The following POLR2J variants were observed in gnomAD, a reference collection of about 807,000 sequenced individuals.
POLR2J encodes DNA-directed RNA polymerase II subunit RPB11-a.
A neutral mutation model predicts 13.4 loss-of-function variants in POLR2J; 12 were observed. The observed-to-expected ratio is 0.90, with a 90% CI of 0.57 to 1.45. POLR2J has a LOEUF of 1.45. POLR2J is among the 40% of genes most tolerant of loss of function. POLR2J has a pLI of 0.00. For missense variants in POLR2J, 58 were observed against 132.0 expected, an observed-to-expected ratio of 0.44 and a Z score of 2.75; for synonymous variants, 31 against 53.6, an observed-to-expected ratio of 0.58 and a Z score of 1.84.
At chr7:102,475,098 G>A (rs1798388169) in intron 2 of POLR2J, among the ~76,000 whole-genome samples, 1 of 152,124 alleles carries the variant, frequency 6.6e-6, no homozygotes, top group Admixed American at 6.5e-5. Context: ...GGGGACCCGT[G>A]CATAGGTGGC....
At position 102,473,500 on chromosome 7, in the gene POLR2J, G is replaced by C; in HGVS notation, c.*149C>G. 1.7e-6 allele frequency: 2 copies of C among 1,158,106 alleles called. No individual in the cohort carries two copies. The highest frequency in any genetic ancestry group is 2.4e-6 in the Non-Finnish European group (2 of 832,782). 71.7% of individuals were successfully genotyped at this position (1,158,106 alleles called of 1,614,324 possible). A position where few individuals can be genotyped will look rare whatever the true frequency, so the allele number is the denominator to read the frequency against. On this transcript the variant is annotated 3_prime_UTR_variant, in exon 4 of 4. Transcript: ENST00000292614. ...ATTAGGAATATAAAACCTAATCTAT[G>C]TACAGGACACGTCGGTGTCAGGGTG...
chr7:102,474,522 C>A lies in POLR2J; in HGVS notation c.157G>T (p.Asp53Tyr). Residue 53 changes from aspartate to tyrosine, a missense_variant, in exon 3 of 4, where the codon GAC becomes TAC. Physicochemically the swap from Asp to Tyr is radical, Grantham distance 160. Around this residue, in one of 4 missense-constraint regions of POLR2J, gnomAD observed 23 missense variants for 52.6 expected, o/e 0.44. Coordinates refer to ENST00000292614, the MANE Select transcript of POLR2J (RefSeq NM_006234.6). ...GNIIKSQLLKDPQVLFAGYKV... is the reference protein window; with the variant it reads ...GNIIKSQLLKYPQVLFAGYKV... ...TAGCCAGCAAATAGCACTTGCGGGT[C>A]TTTTAGGAGTTGTCTGAGGTCAGGG... 6.8e-7 allele frequency: 1 copy of A among 1,468,050 alleles called. No homozygotes were observed. The highest frequency in any genetic ancestry group is 9.4e-7 in the Non-Finnish European group (1 of 1,064,180). The allele number at this position is 1,468,050 out of a possible 1,614,324, so 90.9% of individuals were successfully genotyped here.
chr7:102,473,887 G>GC lies in POLR2J; in HGVS notation c.319-204dup, dbSNP rs1341847894. 4 of 1,439,762 alleles carry GC rather than the reference G, an allele frequency of 2.8e-6. No individual in the cohort carries two copies. The African/African-American group carries it at 5.7e-5, about 21-fold the overall frequency. 89.2% of individuals were successfully genotyped at this position (1,439,762 alleles called of 1,614,324 possible). ...ATGGCAGCCCCGGCAGGAGTCAGAG[G>GC]CCCCAGAGGCTTCCTGGTGAGCAGA... On this transcript the variant is annotated intron_variant, in intron 3 of 3. Transcript: ENST00000292614.
Position 102,478,908 on chromosome 7 carries a change from C to G in POLR2J, c.-48G>C. 6.2e-7 allele frequency: 1 copy of G among 1,608,382 alleles called. No homozygotes were observed. Among genetic ancestry groups the G allele is most frequent in the African/African-American group, 1.3e-5 (1 of 74,148 alleles). ...GACCCCAAGGGTCCGCCGCCGCCGCCACCAGAGCCCTAATAAGAGGCCTCT... is the reference window on the plus strand; with the variant it reads ...GACCCCAAGGGTCCGCCGCCGCCGCGACCAGAGCCCTAATAAGAGGCCTCT... On this transcript the variant is annotated 5_prime_UTR_variant, in exon 1 of 4. Coordinates refer to ENST00000292614, the MANE Select transcript of POLR2J (RefSeq NM_006234.6).
At chr7:102,473,768 C>A in intron 3 of POLR2J, 84 bp from the exon 4 acceptor site, 1 of 1,581,350 alleles carries the variant, frequency 6.3e-7, no homozygotes, top group Non-Finnish European at 8.6e-7. Context: ...TCCCCCCCGC[C>A]AGGCCCTTCC....
chr7:102,476,367 G>A (rs1330558597), intron 1 of POLR2J, 97 bp from the exon 2 acceptor site: 17 of 571,518 alleles, frequency 3.0e-5, no homozygotes, highest in Non-Finnish European at 4.1e-5. Context: ...GTGGTGGCTC[G>A]TGCCTGTAAT....
At chr7:102,473,736 C>G (rs753463071) in intron 3 of POLR2J, 52 bp from the exon 4 acceptor site, 16 of 1,611,274 alleles carry the variant, frequency 9.9e-6, no homozygotes, top group Non-Finnish European at 1.4e-5. Flanking sequence ...GGGGCAAGGA[C>G]GCTGGAAACA....
chr7:102,473,404 G>C lies in POLR2J; in HGVS notation c.*245C>G. 1.7e-6 allele frequency: 1 copy of C among 575,206 alleles called. No individual in the cohort carries two copies. Among genetic ancestry groups the C allele is most frequent in the Non-Finnish European group, 2.9e-6 (1 of 347,106 alleles). 35.6% of individuals were successfully genotyped at this position (575,206 alleles called of 1,614,324 possible). A position where few individuals can be genotyped will look rare whatever the true frequency, so the allele number is the denominator to read the frequency against. ...GAAACAGGTCATCTGCCTGCATCAA[G>C]CCTGACAATCCATTTGCTTGCGAAG... On this transcript the variant is annotated 3_prime_UTR_variant, in exon 4 of 4. Coordinates refer to ENST00000292614, the MANE Select transcript of POLR2J (RefSeq NM_006234.6).
Position 102,473,550 on chromosome 7 carries a change from GGC to G in POLR2J, c.*97_*98del, listed in dbSNP as rs1563660755. On this transcript the variant is annotated 3_prime_UTR_variant, in exon 4 of 4. Coordinates refer to ENST00000292614, the MANE Select transcript of POLR2J (RefSeq NM_006234.6). Reference sequence around the variant, plus strand: ...GAGGGGTGGCCACAAGGCGGGCCATGGCTGGGACCGGCCGCTCTCCTCGGTGT... The same window carrying G: ...GAGGGGTGGCCACAAGGCGGGCCATGTGGGACCGGCCGCTCTCCTCGGTGT... The G allele has an allele frequency of 2.0e-5, 24 of 1,219,340 alleles. No individual in the cohort carries two copies. Among genetic ancestry groups the G allele is most frequent in the Non-Finnish European group, 2.3e-5 (22 of 958,840 alleles). The allele number at this position is 1,219,340 out of a possible 1,614,324, so 75.5% of individuals were successfully genotyped here.
Position 102,478,820 on chromosome 7 carries a change from T to C in POLR2J, c.41A>G (p.Glu14Gly). 1 of 1,610,806 alleles carries C rather than the reference T, an allele frequency of 6.2e-7. No individual in the cohort carries two copies. The highest frequency in any genetic ancestry group is 8.5e-7 in the Non-Finnish European group (1 of 1,179,692). Reference sequence around the variant, plus strand: ...CGGCGTCACTTACTTCTTCTCGCCCTCGAAGAGCAAGAACGACTCGAAGGC... The same window carrying C: ...CGGCGTCACTTACTTCTTCTCGCCCCCGAAGAGCAAGAACGACTCGAAGGC... ...PPAFESFLLFEGEKKITINKD... is the reference protein window; with the variant it reads ...PPAFESFLLFGGEKKITINKD... The change falls in exon 1 of 4, where the codon GAG becomes GGG. Residue 14 changes from glutamate to glycine, a missense_variant. Around this residue, in one of 4 missense-constraint regions of POLR2J, gnomAD observed 23 missense variants for 52.6 expected, o/e 0.44. Coordinates refer to ENST00000292614, the MANE Select transcript of POLR2J (RefSeq NM_006234.6).
Position 102,473,496 on chromosome 7 carries a change from C to A in POLR2J, c.*153G>T. 2 of 941,020 alleles carry A rather than the reference C, an allele frequency of 2.1e-6. No individual in the cohort carries two copies. The highest frequency in any genetic ancestry group is 3.9e-5 in the Admixed American group (1 of 25,420). The allele number at this position is 941,020 out of a possible 1,614,324, so 58.3% of individuals were successfully genotyped here. A position where few individuals can be genotyped will look rare whatever the true frequency, so the allele number is the denominator to read the frequency against. On this transcript the variant is annotated 3_prime_UTR_variant, in exon 4 of 4. Coordinates refer to ENST00000292614, the MANE Select transcript of POLR2J (RefSeq NM_006234.6). ...CTTTATTAGGAATATAAAACCTAAT[C>A]TATGTACAGGACACGTCGGTGTCAG... is the stretch of plus-strand genomic sequence containing the variant.
Position 102,473,751 on chromosome 7 carries a change from C to G in POLR2J, c.319-67G>C, listed in dbSNP as rs577042524. On this transcript the variant is annotated intron_variant, in intron 3 of 3. Transcript: ENST00000292614. Reference sequence around the variant, plus strand: ...GGGGCAAGGACGCTGGAAACACATGCCCAGCATCCCCCCCGCCAGGCCCTT... The same window carrying G: ...GGGGCAAGGACGCTGGAAACACATGGCCAGCATCCCCCCCGCCAGGCCCTT... The G allele has an allele frequency of 6.5e-5, 104 of 1,601,572 alleles. No homozygotes were observed. In the East Asian group the frequency reaches 1.9e-3, roughly 29 times the overall value.
chr7:102,478,861 G>C lies in POLR2J; in HGVS notation c.-1C>G, dbSNP rs202131725. The C allele has an allele frequency of 3.7e-6, 6 of 1,610,574 alleles. No individual in the cohort carries two copies. Among genetic ancestry groups the C allele is most frequent in the South Asian group, 1.1e-5 (1 of 90,992 alleles). On this transcript the variant is annotated 5_prime_UTR_variant, in exon 1 of 4. Transcript: ENST00000292614. ...ACTCGAAGGCTGGAGGGGCGTTCAT[G>C]CTCCCGCCGCCGTTGCGTCCAGACC...
chr7:102,473,736 C>T (rs753463071), intron 3 of POLR2J, 52 bp from the exon 4 acceptor site: 32 of 1,611,274 alleles, frequency 2.0e-5, no homozygotes, highest in African/African-American at 9.4e-5. Flanking sequence ...GGGGCAAGGA[C>T]GCTGGAAACA....
intron 3 of POLR2J, chr7:102,473,886 G>A (rs1563661285): frequency 4.9e-6 from 7 of 1,439,762 alleles, no homozygotes; most frequent in Non-Finnish European, 4.5e-6. Flanking sequence ...AGGAGTCAGA[G>A]GCCCCAGAGG....
In POLR2J at chr7:102,473,360, C is replaced by G. The variant is rs948726347; in HGVS notation, c.*289G>C. The stretch of plus-strand genomic sequence containing the variant: ...TCTTTGGTCCAGAATGAATTCATCC[C>G]TGCCAGCCGGACGCCCCTGAAACAG... On this transcript the variant is annotated 3_prime_UTR_variant, in exon 4 of 4. Coordinates refer to ENST00000292614, the MANE Select transcript of POLR2J (RefSeq NM_006234.6). 5 of 573,666 alleles carry G rather than the reference C, an allele frequency of 8.7e-6. No individual in the cohort carries two copies. Among genetic ancestry groups the G allele is most frequent in the Non-Finnish European group, 1.5e-5 (5 of 334,332 alleles). 35.5% of individuals were successfully genotyped at this position (573,666 alleles called of 1,614,324 possible).
At chr7:102,478,782 G>A (rs771732264) in intron 1 of POLR2J, 26 bp downstream of exon 1, 58 of 1,609,540 alleles carry the variant, frequency 3.6e-5, no homozygotes, top group Non-Finnish European at 4.6e-5. Flanking sequence ...CGCGCACCTC[G>A]GCCCGCCGCA....
At chr7:102,474,271 T>C in intron 3 of POLR2J, 90 bp downstream of exon 3, 4 of 1,608,686 alleles carry the variant, frequency 2.5e-6, no homozygotes, top group Non-Finnish European at 3.4e-6. Context: ...CCCCAGGACC[T>C]CCGAAGAAAC....
chr7:102,473,844 C>T, intron 3 of POLR2J, 160 bp from the exon 4 acceptor site: 2 of 1,450,574 alleles, frequency 1.4e-6, no homozygotes, highest in Non-Finnish European at 9.0e-7. Flanking sequence ...CCCAGCTGGC[C>T]CAATCCAGCC....
Sources: allele counts gnomAD v4.1 joint callset (sites outside exome capture counted in the v4.1 genomes callset), GRCh38; gene constraint gnomAD v4.1.1; regional missense constraint gnomAD v4.1.1; transcripts MANE v1.5; gene names NCBI Gene and HGNC (gene_info 2026-07-23, HGNC 2026-07-21).